Variants in FANCA observed in about 807,000 individuals in gnomAD.
FANCA encodes Fanconi anemia group A protein.
FANCA carries 236 observed loss-of-function variants against 194.3 expected under a neutral mutation model. The observed-to-expected ratio is 1.21, with a 90% CI of 1.09 to 1.35. The LOEUF is 1.35. Among genes scored for constraint, FANCA ranks in the 40% most tolerant of loss-of-function variants. The pLI is 0.00. For missense variants in FANCA, 2,628 were observed against 1,813.9 expected, an observed-to-expected ratio of 1.45 and a Z score of -8.15; for synonymous variants, 1,014 against 715.8, an observed-to-expected ratio of 1.42 and a Z score of -6.65.
intron 28 of FANCA, chr16:89,762,639 T>C (rs1430837708): frequency 1.0e-5 from 3 of 290,282 alleles, no homozygotes; most frequent in African/African-American, 6.8e-5. Flanking sequence ...GTAGCATACC[T>C]TCATTTATTT....
chr16:89,794,869 G>C (rs181819666), intron 11 of FANCA, among the ~76,000 whole-genome samples: 16 of 152,334 alleles, frequency 1.1e-4, no homozygotes, highest in Admixed American at 1.0e-3. Flanking sequence ...ACCGAGTCTA[G>C]CTGAGAACCA....
intron 29 of FANCA, among the ~76,000 whole-genome samples, chr16:89,760,379 T>C (rs2038911748): frequency 6.6e-6 from 1 of 152,196 alleles, no homozygotes; most frequent in Non-Finnish European, 1.5e-5. Flanking sequence ...TCATCCAGAA[T>C]CTGATACCAG....
At chr16:89,784,615 T>G (rs55853430) in intron 15 of FANCA, among the ~76,000 whole-genome samples, 107 of 152,206 alleles carry the variant, frequency 7.0e-4, no homozygotes, top group African/African-American at 2.3e-3. Flanking sequence ...AAGGGTTTCT[T>G]AGCAGTTGCC....
Position 89,738,360 on chromosome 16 carries a change from T to C in FANCA, c.*241A>G. On this transcript the variant is annotated 3_prime_UTR_variant, in exon 43 of 43. Transcript: ENST00000389301. ...GTCGGAGGGTGCTGCCCGCCCTTGG[T>C]GCTGGAGGCGGGCTTGGTGTCCGGC... The C allele has an allele frequency of 1.4e-6, 2 of 1,461,818 alleles. No individual in the cohort carries two copies. The highest frequency in any genetic ancestry group is 4.9e-4 in the Middle Eastern group (2 of 4,092). The allele number at this position is 1,461,818 out of a possible 1,614,324, so 90.6% of individuals were successfully genotyped here.
chr16:89,763,310 T>A (rs1415582122), intron 28 of FANCA, among the ~76,000 whole-genome samples: 1 of 152,088 alleles, frequency 6.6e-6, no homozygotes, highest in African/African-American at 2.4e-5. Flanking sequence ...GCACAGTGGC[T>A]CACACTTGCA....
intron 8 of FANCA, among the ~76,000 whole-genome samples, chr16:89,803,024 G>A (rs1364041222): frequency 6.6e-6 from 1 of 152,180 alleles, no homozygotes; most frequent in Admixed American, 6.6e-5. Context: ...ATATTTCAAA[G>A]TAACTGCAAC....
At chr16:89,765,965 T>C (rs923379407) in intron 27 of FANCA, among the ~76,000 whole-genome samples, 6 of 152,184 alleles carry the variant, frequency 3.9e-5, no homozygotes, top group African/African-American at 1.4e-4. Flanking sequence ...TTGATTCTAA[T>C]GTGAAGCCTG....
chr16:89,809,486 G>A (rs1165733501), intron 5 of FANCA, among the ~76,000 whole-genome samples: 1 of 152,034 alleles, frequency 6.6e-6, no homozygotes, highest in Non-Finnish European at 1.5e-5. Context: ...GGCCAAGATG[G>A]GCAGATCACC....
chr16:89,812,913 A>G (rs982199415), intron 3 of FANCA, among the ~76,000 whole-genome samples: 15 of 151,168 alleles, frequency 9.9e-5, no homozygotes, highest in Admixed American at 4.0e-4. Context: ...GGCACCTATA[A>G]TCCCAGCTAT....
Position 89,770,573 on chromosome 16 carries a change from G to A in FANCA, c.2213C>T (p.Pro738Leu). ...CTGCCCGCGCCTTCACCTCTCCGGG[G>A]GAGCGACACTGGAGGCAGCCATCAG... The part of the protein sequence containing the change: ...QNLMAASSVA[P>L]PERQGPWAAL... Residue 738 changes from proline (P) to leucine (L), a missense_variant, in exon 24 of 43, where the codon CCC becomes CTC. Pro to Leu is a moderately conservative substitution (Grantham distance 98). Coordinates refer to ENST00000389301, the MANE Select transcript of FANCA (RefSeq NM_000135.4). The A allele has an allele frequency of 1.9e-6, 3 of 1,610,348 alleles. No homozygotes were observed. The highest frequency in any genetic ancestry group is 2.5e-6 in the Non-Finnish European group (3 of 1,178,410).
At chr16:89,785,437 C>G (rs776853302) in intron 14 of FANCA, among the ~76,000 whole-genome samples, 1 of 152,134 alleles carries the variant, frequency 6.6e-6, no homozygotes, top group Non-Finnish European at 1.5e-5. Flanking sequence ...ACCTCATCCA[C>G]CAGTGGACAG....
At chr16:89,807,119 G>C (rs1040187678) in intron 6 of FANCA, among the ~76,000 whole-genome samples, 1 of 151,786 alleles carries the variant, frequency 6.6e-6, no homozygotes, top group African/African-American at 2.4e-5. Context: ...TTTAATTCTG[G>C]CCATTTTTGC....
chr16:89,799,168 G>A lies in FANCA; in HGVS notation c.891C>T (p.Cys297=), dbSNP rs1210939756. ...EESSTHKIVR[C]WFGVFSGHTL... ...GCAGGCCACCCTCAGGAACATACCA[G>A]CACCTCACGATCTTGTGAGTGGAGG... The change falls in exon 10 of 43, where the codon TGC becomes TGT. Residue 297 remains cysteine, a splice_region_variant and synonymous_variant. Coordinates refer to ENST00000389301, the MANE Select transcript of FANCA (RefSeq NM_000135.4). 2.5e-6 allele frequency: 4 copies of A among 1,614,042 alleles called. No individual in the cohort carries two copies. The Admixed American group carries it at 6.7e-5, about 27-fold the overall frequency.
intron 14 of FANCA, among the ~76,000 whole-genome samples, chr16:89,790,624 G>A (rs1163784179): frequency 3.3e-5 from 5 of 151,808 alleles, no homozygotes; most frequent in African/African-American, 4.8e-5. Context: ...AGCTACTCAG[G>A]AGGCTGAGGC....
At chr16:89,792,097 T>A in intron 12 of FANCA, 29 bp from the exon 13 acceptor site, 2 of 1,613,806 alleles carry the variant, frequency 1.2e-6, no homozygotes, top group Non-Finnish European at 1.7e-6. Flanking sequence ...CTCCCTTCAA[T>A]ATCCAAGCAA....
chr16:89,745,450 C>G (rs1376667058), intron 35 of FANCA, among the ~76,000 whole-genome samples: 1 of 146,740 alleles, frequency 6.8e-6, no homozygotes, highest in African/African-American at 2.6e-5. Context: ...GACCACACTC[C>G]TCTGAGCTGG....
chr16:89,790,964 G>C (rs1302178973), intron 14 of FANCA: 3 of 224,480 alleles, frequency 1.3e-5, no homozygotes, highest in East Asian at 1.1e-4. Context: ...CGAGTAACGA[G>C]GACTACAGGT....
intron 6 of FANCA, among the ~76,000 whole-genome samples, chr16:89,807,926 C>T (rs1014032472): frequency 2.0e-5 from 3 of 150,492 alleles, no homozygotes; most frequent in African/African-American, 7.3e-5. Context: ...CGTGTGGTGG[C>T]GGGCGCCTGT....
chr16:89,810,406 A>C (rs1419509856), intron 5 of FANCA, among the ~76,000 whole-genome samples: 2 of 151,792 alleles, frequency 1.3e-5, no homozygotes, highest in African/African-American at 4.8e-5. Context: ...TTTTTTTAAT[A>C]GTTTACTATA....
Sources: gnomAD v4.1 joint callset for allele counts (sites outside exome capture counted in the v4.1 genomes callset) on GRCh38, gnomAD v4.1.1 for gene constraint, MANE v1.5 for transcripts, NCBI Gene and HGNC (gene_info 2026-07-23, HGNC 2026-07-21) for gene names.